The following XYLT1 variants were observed in gnomAD, a reference collection of about 807,000 sequenced individuals.
XYLT1 encodes the protein xylosyltransferase 1, also known as beta-D-xylosyltransferase 1.
XYLT1 carries 36 observed loss-of-function variants against 91.3 expected under a neutral mutation model. That is an observed-to-expected ratio of 0.39 (90% CI 0.30 to 0.52). The LOEUF is 0.52. Ranked by LOEUF, XYLT1 falls within the 20% of genes least tolerant of loss-of-function variation. XYLT1 has a pLI of 0.68. For missense variants in XYLT1, 1,242 were observed against 1,284.5 expected, an observed-to-expected ratio of 0.97 and a Z score of 0.51; for synonymous variants, 588 against 532.0, an observed-to-expected ratio of 1.11 and a Z score of -1.45.
intron 11 of XYLT1, among the ~76,000 whole-genome samples, chr16:17,111,702 C>T (rs1001124777): frequency 6.6e-6 from 1 of 152,218 alleles, no homozygotes. Flanking sequence ...AAGATCGCCA[C>T]TCCTTCAATT....
At chr16:17,257,027 T>C (rs1049894814) in intron 3 of XYLT1, among the ~76,000 whole-genome samples, 3 of 152,214 alleles carry the variant, frequency 2.0e-5, no homozygotes, top group African/African-American at 7.2e-5. Flanking sequence ...GAGCTCTCTG[T>C]TGCCTCCTTG....
intron 11 of XYLT1, among the ~76,000 whole-genome samples, chr16:17,114,551 A>G (rs1449818940): frequency 6.6e-6 from 1 of 152,154 alleles, no homozygotes; most frequent in Non-Finnish European, 1.5e-5. Context: ...TGGCAGTGTG[A>G]GAGCAGAGGA....
At chr16:17,183,239 G>A (rs758151745) in intron 5 of XYLT1, among the ~76,000 whole-genome samples, 4 of 152,130 alleles carry the variant, frequency 2.6e-5, no homozygotes, top group Admixed American at 6.6e-5. Flanking sequence ...GCAGAAAGTG[G>A]GGGCAACTTG....
intron 1 of XYLT1, among the ~76,000 whole-genome samples, chr16:17,382,297 T>G (rs1487217371): frequency 2.0e-5 from 3 of 151,746 alleles, no homozygotes; most frequent in Admixed American, 1.3e-4. Flanking sequence ...AAGAGGCATT[T>G]TAAGGTCCCA....
At chr16:17,288,484 G>C (rs903115800) in intron 2 of XYLT1, among the ~76,000 whole-genome samples, 3 of 152,042 alleles carry the variant, frequency 2.0e-5, no homozygotes, top group Admixed American at 6.6e-5. Flanking sequence ...GCTTATTGTA[G>C]ACCGACTGTA....
intron 2 of XYLT1, among the ~76,000 whole-genome samples, chr16:17,294,587 C>G (rs1287755879): frequency 6.6e-6 from 1 of 152,012 alleles, no homozygotes; most frequent in Non-Finnish European, 1.5e-5. Context: ...GGACAGCACC[C>G]AGGAGAATCG....
intron 1 of XYLT1, among the ~76,000 whole-genome samples, chr16:17,414,118 G>A (rs2036150064): frequency 6.6e-6 from 1 of 152,088 alleles, no homozygotes; most frequent in Admixed American, 6.6e-5. Flanking sequence ...AAAAAACCAG[G>A]GCCTCCTGCT....
At chr16:17,188,655 C>T (rs1194068434) in intron 5 of XYLT1, among the ~76,000 whole-genome samples, 1 of 152,162 alleles carries the variant, frequency 6.6e-6, no homozygotes, top group Non-Finnish European at 1.5e-5. Flanking sequence ...CAATGCTTGC[C>T]TGACTTTGTC....
At chr16:17,361,317 G>A (rs73525122) in intron 1 of XYLT1, among the ~76,000 whole-genome samples, 4,556 of 152,190 alleles carry the variant, frequency 0.03, 238 homozygotes, top group African/African-American at 0.1. Flanking sequence ...GCCACGCCCC[G>A]CCTAGATCAG....
chr16:17,282,269 G>C (rs936346), intron 2 of XYLT1, among the ~76,000 whole-genome samples: 100,220 of 151,844 alleles, frequency 0.66, 35,493 homozygotes, highest in African/African-American at 0.92. Context: ...CCCAGCCCCC[G>C]ACTTCCCTAC....
At chr16:17,180,012 C>T (rs574612956) in intron 5 of XYLT1, among the ~76,000 whole-genome samples, 3 of 152,354 alleles carry the variant, frequency 2.0e-5, no homozygotes, top group East Asian at 3.9e-4. Flanking sequence ...AGCTGAGCAT[C>T]TGCTCAAGTC....
intron 5 of XYLT1, among the ~76,000 whole-genome samples, chr16:17,171,558 G>A (rs1404823025): frequency 1.3e-5 from 2 of 152,210 alleles, no homozygotes; most frequent in African/African-American, 4.8e-5. Flanking sequence ...ATCTCAGAGG[G>A]CTGATGAGAA....
In XYLT1 at chr16:17,342,715, C is replaced by G. The variant is rs569942715; in HGVS notation, c.402+15297G>C. ...CCAGCCTGGGCAACAGAGAGAGACC[C>G]TGTCTCAAAAAAAAACACATGCGTT... On this transcript the variant is annotated intron_variant, in intron 2 of 11. Coordinates refer to ENST00000261381, the MANE Select transcript of XYLT1 (RefSeq NM_022166.4). Among the ~76,000 whole-genome samples, 215 of 149,554 alleles carry G rather than the reference C, an allele frequency of 1.4e-3. 1 individual carries two copies. Among genetic ancestry groups the G allele is most frequent in the African/African-American group, 5.1e-3 (201 of 39,182 alleles).
At chr16:17,142,451 T>TTG (rs2031007315) in intron 6 of XYLT1, among the ~76,000 whole-genome samples, 1 of 149,240 alleles carries the variant, frequency 6.7e-6, no homozygotes, top group Non-Finnish European at 1.5e-5. Context: ...TTTTTTTTTT[T>TTG]GAGACAGGGT....
intron 1 of XYLT1, among the ~76,000 whole-genome samples, chr16:17,462,462 C>T (rs546390723): frequency 3.3e-5 from 5 of 152,324 alleles, no homozygotes; most frequent in South Asian, 4.1e-4. Flanking sequence ...AGGGGGCAAC[C>T]GAACCCAGAG....
At chr16:17,259,938 A>C (rs1429836011) in intron 2 of XYLT1, among the ~76,000 whole-genome samples, 2 of 152,148 alleles carry the variant, frequency 1.3e-5, no homozygotes, top group Non-Finnish European at 2.9e-5. Context: ...TATTACATAC[A>C]TTCCATTGCC....
Position 17,200,568 on chromosome 16 carries a change from C to A in XYLT1, c.1000G>T (p.Val334Phe), listed in dbSNP as rs1241717266. ...NPVRIAFVLV[V>F]HGRASRQLQR... ...AACTGCCGAGAGGCACGGCCGTGGA[C>A]CACCAGGACAAAGGCGATTCTGACC... The change falls in exon 4 of 12, where the codon GTC becomes TTC. Residue 334 changes from valine to phenylalanine, a missense_variant. By Grantham distance (50) the Val-to-Phe change is conservative. Transcript: ENST00000261381. The A allele has an allele frequency of 1.2e-6, 2 of 1,614,050 alleles. No individual in the cohort carries two copies. The highest frequency in any genetic ancestry group is 1.7e-6 in the Non-Finnish European group (2 of 1,180,024).
intron 5 of XYLT1, among the ~76,000 whole-genome samples, chr16:17,161,969 A>C (rs1398525676): frequency 6.6e-6 from 1 of 152,180 alleles, no homozygotes; most frequent in Non-Finnish European, 1.5e-5. Context: ...GCCATATGAG[A>C]ATCTTTTTCG....
intron 3 of XYLT1, among the ~76,000 whole-genome samples, chr16:17,204,613 A>G (rs900058651): frequency 3.3e-5 from 5 of 152,192 alleles, no homozygotes; most frequent in Non-Finnish European, 7.3e-5. Flanking sequence ...CTGAGTGCCT[A>G]CTATGTGTTA....
Sources: allele counts gnomAD v4.1 joint callset (sites outside exome capture counted in the v4.1 genomes callset), GRCh38; gene constraint gnomAD v4.1.1; transcripts MANE v1.5; gene names NCBI Gene and HGNC (gene_info 2026-07-23, HGNC 2026-07-21).